AOAH: variants seen among roughly 807,000 people sequenced by gnomAD.
The protein encoded by AOAH is acyloxyacyl hydrolase (neutrophil).
A neutral mutation model predicts 92.2 loss-of-function variants in AOAH; 64 were observed. The ratio of observed to expected loss-of-function variants is 0.69; its 90% confidence interval spans 0.57 to 0.86. The LOEUF is 0.86. Ranked by LOEUF, AOAH falls within the 40% of genes least tolerant of loss-of-function variation. The pLI, the probability that AOAH is intolerant of heterozygous loss-of-function variation, is 0.00. For synonymous variants in AOAH, 263 were observed against 254.5 expected, an observed-to-expected ratio of 1.03 and a Z score of -0.32; for missense variants, 656 against 694.6, an observed-to-expected ratio of 0.94 and a Z score of 0.62.
intron 1 of AOAH, among the ~76,000 whole-genome samples, chr7:36,688,831 A>C (rs1292972591): frequency 6.6e-6 from 1 of 150,658 alleles, no homozygotes; most frequent in Non-Finnish European, 1.5e-5. Context: ...ATGTGTATAT[A>C]TACATATATA....
In AOAH at chr7:36,556,872, G is replaced by A. The variant is rs766088902; in HGVS notation, c.1022-7397C>T. Among the ~76,000 whole-genome samples the A allele has an allele frequency of 3.0e-3, 446 of 148,954 alleles. 1 individual carries two copies. Among genetic ancestry groups the A allele is most frequent in the Non-Finnish European group, 4.6e-3 (310 of 67,242 alleles). ...CTCCATCCTTTTATTTTGAGCCTAT[G>A]TGTGTCTCTGCACGTGAGATGGGTT... On this transcript the variant is annotated intron_variant, in intron 13 of 20. Transcript: ENST00000617537.
chr7:36,707,339 G>C (rs977350196), intron 1 of AOAH, among the ~76,000 whole-genome samples: 1 of 151,944 alleles, frequency 6.6e-6, no homozygotes, highest in Non-Finnish European at 1.5e-5. Context: ...GTCTTATATG[G>C]GTGTGGTTCA....
At chr7:36,701,301 G>C (rs1798017217) in intron 1 of AOAH, among the ~76,000 whole-genome samples, 1 of 151,886 alleles carries the variant, frequency 6.6e-6, no homozygotes, top group Non-Finnish European at 1.5e-5. Flanking sequence ...GGTCAAGTTA[G>C]TTGGGTTATT....
chr7:36,547,187 C>A (rs1448174852), intron 15 of AOAH, among the ~76,000 whole-genome samples: 1 of 152,158 alleles, frequency 6.6e-6, no homozygotes, highest in Non-Finnish European at 1.5e-5. Flanking sequence ...GGGTGTTTGC[C>A]ATTTACTGGA....
intron 5 of AOAH, among the ~76,000 whole-genome samples, chr7:36,634,321 G>A (rs1034342658): frequency 4.6e-5 from 7 of 152,104 alleles, no homozygotes; most frequent in Non-Finnish European, 8.8e-5. Flanking sequence ...ATTGACCCCT[G>A]ACCTAATCGG....
chr7:36,591,966 A>G (rs1006811662), intron 12 of AOAH, among the ~76,000 whole-genome samples: 3 of 152,326 alleles, frequency 2.0e-5, no homozygotes, highest in South Asian at 4.1e-4. Context: ...GATTTAAACT[A>G]CTTGGAAATT....
rs2727830 is a variant in AOAH, at chr7:36,576,735, G to A, written c.939-79C>T. ...TTTAAACAAACCATGTTTACATCAC[G>A]CTTTTAAAAAAATATGGTTAAAATG... On this transcript the variant is annotated intron_variant, in intron 12 of 20. Coordinates refer to ENST00000617537, the MANE Select transcript of AOAH (RefSeq NM_001637.4). 8.0e-3 allele frequency: 5,388 copies of A among 671,358 alleles called. 234 individuals carry two copies. The African/African-American group carries it at 0.092, about 12-fold the overall frequency. 41.6% of individuals were successfully genotyped at this position (671,358 alleles called of 1,614,324 possible).
At chr7:36,628,537 C>T (rs1226032423) in intron 6 of AOAH, among the ~76,000 whole-genome samples, 1 of 152,002 alleles carries the variant, frequency 6.6e-6, no homozygotes, top group Non-Finnish European at 1.5e-5. Flanking sequence ...TGTGGGAGAC[C>T]AGCAAGGAAG....
intron 5 of AOAH, 118 bp from the exon 6 acceptor site, chr7:36,632,224 C>T: frequency 2.6e-6 from 2 of 777,010 alleles, no homozygotes; most frequent in Non-Finnish European, 4.2e-6. Flanking sequence ...GAATCCAGCC[C>T]ATTTCACCTC....
intron 15 of AOAH, among the ~76,000 whole-genome samples, chr7:36,543,091 T>C (rs574368737): frequency 4.6e-5 from 7 of 152,298 alleles, no homozygotes; most frequent in African/African-American, 1.7e-4. Flanking sequence ...GAGAAAAAGA[T>C]GTCTAATTTT....
intron 1 of AOAH, among the ~76,000 whole-genome samples, chr7:36,714,445 G>T (rs563540004): frequency 4.6e-5 from 7 of 152,248 alleles, no homozygotes; most frequent in African/African-American, 1.4e-4. Context: ...CCAATCAATA[G>T]AAAAAGAGGG....
In AOAH at chr7:36,715,068, T is replaced by C. The variant is rs551879585; in HGVS notation, c.127+8954A>G. ...TGTTTGCAGATGACATGATTGTATATCTAGAAAACCCCATCATCTCTGCCC... is the reference window on the plus strand; with the variant it reads ...TGTTTGCAGATGACATGATTGTATACCTAGAAAACCCCATCATCTCTGCCC... On this transcript the variant is annotated intron_variant, in intron 1 of 20. Coordinates refer to ENST00000617537, the MANE Select transcript of AOAH (RefSeq NM_001637.4). Among the ~76,000 whole-genome samples the C allele has an allele frequency of 9.6e-3, 1,464 of 152,258 alleles. 26 individuals are homozygous for C. The highest frequency in any genetic ancestry group is 0.033 in the African/African-American group (1,382 of 41,518).
intron 1 of AOAH, among the ~76,000 whole-genome samples, chr7:36,711,280 A>G (rs1280445251): frequency 6.6e-6 from 1 of 152,310 alleles, no homozygotes; most frequent in Non-Finnish European, 1.5e-5. Context: ...ACTCTGCTTA[A>G]TGCTTTACAA....
At chr7:36,683,674 T>C (rs1217906666) in intron 2 of AOAH, among the ~76,000 whole-genome samples, 9 of 152,134 alleles carry the variant, frequency 5.9e-5, no homozygotes, top group Non-Finnish European at 1.3e-4. Context: ...GGAAAGGAGA[T>C]ACAGATATAA....
chr7:36,611,116 C>A (rs955817564), intron 11 of AOAH, among the ~76,000 whole-genome samples: 1 of 152,194 alleles, frequency 6.6e-6, no homozygotes, highest in African/African-American at 2.4e-5. Context: ...CTTGTCCCGT[C>A]TCCTATTCTT....
At chr7:36,622,915 G>A (rs1311396522) in intron 7 of AOAH, among the ~76,000 whole-genome samples, 1 of 151,980 alleles carries the variant, frequency 6.6e-6, no homozygotes, top group South Asian at 2.1e-4. Flanking sequence ...GTGTGGTGGT[G>A]CATGCCTGTA....
chr7:36,647,421 T>C (rs1034618027), intron 4 of AOAH, among the ~76,000 whole-genome samples: 1 of 152,218 alleles, frequency 6.6e-6, no homozygotes, highest in Non-Finnish European at 1.5e-5. Flanking sequence ...TTAGCGTCAT[T>C]AGCGATTCTT....
intron 1 of AOAH, among the ~76,000 whole-genome samples, chr7:36,688,070 T>C (rs1350193452): frequency 1.3e-5 from 2 of 152,230 alleles, no homozygotes; most frequent in Non-Finnish European, 2.9e-5. Context: ...TCCTGGGCTC[T>C]GAGAGTACCT....
At chr7:36,568,285 G>A (rs76621787) in intron 13 of AOAH, among the ~76,000 whole-genome samples, 132 of 152,316 alleles carry the variant, frequency 8.7e-4, no homozygotes, top group African/African-American at 3.0e-3. Context: ...TACAGGGAGC[G>A]GGAGATACCT....
Sources: allele counts gnomAD v4.1 joint callset (sites outside exome capture counted in the v4.1 genomes callset), GRCh38; gene constraint gnomAD v4.1.1; transcripts MANE v1.5; gene names NCBI Gene and HGNC (gene_info 2026-07-23, HGNC 2026-07-21).